Variants in PHKB observed in about 807,000 individuals in gnomAD.
The protein encoded by PHKB is phosphorylase kinase regulatory subunit beta, also known as phosphorylase b kinase regulatory subunit beta.
Under a neutral mutation model 152.1 loss-of-function variants are expected in PHKB, and 122 were observed. The observed-to-expected ratio is 0.80, with a 90% CI of 0.69 to 0.93. The LOEUF (loss-of-function observed/expected upper bound fraction) is 0.93, where lower values mean the gene tolerates loss of function less well. Among genes scored for constraint, PHKB ranks in the 40% least tolerant of loss-of-function variants. PHKB has a pLI of 0.00. For missense variants in PHKB, 1,304 were observed against 1,328.4 expected (o/e 0.98, Z 0.29); for synonymous variants, 436 against 464.9 (o/e 0.94, Z 0.80).
At chr16:47,636,622 C>G (rs1196757359) in intron 14 of PHKB, among the ~76,000 whole-genome samples, 3 of 152,222 alleles carry the variant, frequency 2.0e-5, no homozygotes, top group Non-Finnish European at 4.4e-5. Flanking sequence ...TGGGTGTGCG[C>G]ACGCTCAGGG....
chr16:47,690,559 G>A (rs1974042055), intron 27 of PHKB, among the ~76,000 whole-genome samples: 1 of 152,082 alleles, frequency 6.6e-6, no homozygotes, highest in East Asian at 1.9e-4. Context: ...AATCCCAAAG[G>A]AAAATGGGAA....
At chr16:47,567,001 G>A (rs953373813) in intron 7 of PHKB, 7 of 417,562 alleles carry the variant, frequency 1.7e-5, no homozygotes, top group South Asian at 1.7e-4. Context: ...TAGCCTTGTA[G>A]TATAATTTTA....
At chr16:47,546,765 A>G (rs1247680019) in intron 6 of PHKB, among the ~76,000 whole-genome samples, 5 of 151,900 alleles carry the variant, frequency 3.3e-5, no homozygotes, top group African/African-American at 7.2e-5. Flanking sequence ...GGCTCCACCT[A>G]TAGCTTCCTG....
At chr16:47,666,497 C>T (rs928911835) in intron 25 of PHKB, among the ~76,000 whole-genome samples, 13 of 152,228 alleles carry the variant, frequency 8.5e-5, no homozygotes, top group Admixed American at 3.9e-4. Flanking sequence ...TCTCTAACCC[C>T]AGCTCCTCCC....
intron 1 of PHKB, among the ~76,000 whole-genome samples, chr16:47,480,123 A>G (rs1398237175): frequency 6.6e-6 from 1 of 152,166 alleles, no homozygotes. Flanking sequence ...CCTGAGGATC[A>G]TGTAGTTCTC....
At chr16:47,653,747 G>C (rs555951082) in intron 20 of PHKB, among the ~76,000 whole-genome samples, 1 of 152,102 alleles carries the variant, frequency 6.6e-6, no homozygotes, top group Non-Finnish European at 1.5e-5. Context: ...ATTTTGAAGA[G>C]AAATATAAGA....
chr16:47,673,006 A>G (rs1248773533), intron 26 of PHKB, among the ~76,000 whole-genome samples: 4 of 152,128 alleles, frequency 2.6e-5, no homozygotes, highest in Admixed American at 6.5e-5. Context: ...TTGTGGCATT[A>G]TATTCTCATT....
intron 9 of PHKB, 86 bp downstream of exon 9, chr16:47,587,849 C>T (rs1234380227): frequency 2.5e-5 from 25 of 1,014,840 alleles, no homozygotes; most frequent in Non-Finnish European, 3.5e-5. Context: ...GTAAAGTACT[C>T]TAAAATGTTA....
intron 14 of PHKB, among the ~76,000 whole-genome samples, chr16:47,614,527 C>T (rs1173858269): frequency 2.0e-5 from 3 of 152,114 alleles, no homozygotes; most frequent in African/African-American, 7.2e-5. Context: ...TCATATATCA[C>T]TTTTTAAGTT....
At chr16:47,624,706 A>G (rs928608605) in intron 14 of PHKB, among the ~76,000 whole-genome samples, 3 of 152,086 alleles carry the variant, frequency 2.0e-5, no homozygotes, top group Non-Finnish European at 2.9e-5. Flanking sequence ...AGTGCTCCGC[A>G]GCTATTCACC....
intron 7 of PHKB, among the ~76,000 whole-genome samples, chr16:47,549,052 A>G (rs929659852): frequency 6.6e-6 from 1 of 152,240 alleles, no homozygotes; most frequent in Admixed American, 6.5e-5. Context: ...GAATTTTTAC[A>G]GTATAGACCA....
At chr16:47,518,427 G>C (rs1337548318) in intron 6 of PHKB, among the ~76,000 whole-genome samples, 1 of 152,144 alleles carries the variant, frequency 6.6e-6, no homozygotes. Context: ...GTTCCTTTGG[G>C]AGAGGGCCAT....
chr16:47,580,454 A>C (rs1162972668), intron 8 of PHKB, 96 bp downstream of exon 8: 2 of 884,514 alleles, frequency 2.3e-6, no homozygotes, highest in Non-Finnish European at 3.8e-6. Flanking sequence ...ATAATCAGAG[A>C]ATGTCCAAAA....
At chr16:47,507,860 T>C (rs994000119) in intron 4 of PHKB, among the ~76,000 whole-genome samples, 6 of 152,220 alleles carry the variant, frequency 3.9e-5, no homozygotes, top group African/African-American at 1.4e-4. Context: ...TTGTTGCTGC[T>C]TGCCGTTCTT....
intron 14 of PHKB, among the ~76,000 whole-genome samples, chr16:47,640,672 C>T (rs1189205129): frequency 1.3e-5 from 2 of 151,976 alleles, no homozygotes; most frequent in East Asian, 3.8e-4. Flanking sequence ...ACAGAGAACA[C>T]ATAAATTGGG....
At chr16:47,666,710 G>A (rs564262813) in intron 25 of PHKB, among the ~76,000 whole-genome samples, 12 of 152,364 alleles carry the variant, frequency 7.9e-5, no homozygotes, top group Non-Finnish European at 1.3e-4. Flanking sequence ...TCCAGTACAC[G>A]TCCCAATGTG....
chr16:47,496,646 G>T (rs1567279416), intron 1 of PHKB, among the ~76,000 whole-genome samples: 2 of 152,186 alleles, frequency 1.3e-5, no homozygotes, highest in Non-Finnish European at 2.9e-5. Context: ...TAGTCTGATG[G>T]CTGAAGGTTC....
chr16:47,685,021 A>G (rs1973937378), intron 26 of PHKB, among the ~76,000 whole-genome samples: 1 of 152,030 alleles, frequency 6.6e-6, no homozygotes, highest in Non-Finnish European at 1.5e-5. Context: ...GCCATCCATA[A>G]CCTTCATTAT....
intron 5 of PHKB, among the ~76,000 whole-genome samples, chr16:47,513,992 T>C (rs1970553405): frequency 1.3e-5 from 2 of 152,156 alleles, no homozygotes; most frequent in Admixed American, 6.5e-5. Flanking sequence ...ACCCATTAGG[T>C]TGCAAAAAGA....
Sources: gnomAD v4.1 joint callset for allele counts (sites outside exome capture counted in the v4.1 genomes callset) on GRCh38, gnomAD v4.1.1 for gene constraint, MANE v1.5 for transcripts, NCBI Gene and HGNC (gene_info 2026-07-23, HGNC 2026-07-21) for gene names.